The following CLEC16A variants were observed in gnomAD, a reference collection of about 807,000 sequenced individuals.
CLEC16A encodes C-type lectin domain containing 16A, also known as protein CLEC16A.
A neutral mutation model predicts 109.5 loss-of-function variants in CLEC16A; 51 were observed. That is an observed-to-expected ratio of 0.47 (90% CI 0.37 to 0.59). CLEC16A has a LOEUF of 0.59. Among genes scored for constraint, CLEC16A ranks in the 20% least tolerant of loss-of-function variants. The probability of loss-of-function intolerance (pLI) is 0.00; values close to 1 mark genes in which losing one functional copy is unlikely to be tolerated. For synonymous variants in CLEC16A, 673 were observed against 564.2 expected (o/e 1.19, Z -2.73); for missense variants, 1,339 against 1,394.0 (o/e 0.96, Z 0.63).
chr16:11,174,316 A>G lies in CLEC16A; in HGVS notation c.2807-4019A>G, dbSNP rs1055682187. 6.9e-6 allele frequency: 3 copies of G among 432,766 alleles called. No individual in the cohort carries two copies. The Admixed American group carries it at 7.2e-5, about 10-fold the overall frequency. The allele number at this position is 432,766 out of a possible 1,614,324, so 26.8% of individuals were successfully genotyped here. A position where few individuals can be genotyped will look rare whatever the true frequency, so the allele number is the denominator to read the frequency against. On this transcript the variant is annotated intron_variant, in intron 23 of 23. Coordinates refer to ENST00000409790, the MANE Select transcript of CLEC16A (RefSeq NM_015226.3). The surrounding 1 kb of genome is among the most constrained non-coding windows in gnomAD (Gnocchi z 4.7). ...GTGAGCCGCTCGGGCCGCGACGTCC[A>G]CTCGCCACGCTGCATTTCCACAGTC...
intron 19 of CLEC16A, among the ~76,000 whole-genome samples, chr16:11,075,798 T>C (rs554366069): frequency 1.3e-5 from 2 of 152,162 alleles, no homozygotes; most frequent in East Asian, 3.9e-4. Flanking sequence ...GTCAGGAGGA[T>C]GAGACGCTGC....
chr16:11,042,234 T>G lies in CLEC16A; in HGVS notation c.1661-20T>G. On this transcript the variant is annotated intron_variant, in intron 14 of 23. Coordinates refer to ENST00000409790, the MANE Select transcript of CLEC16A (RefSeq NM_015226.3). ...CGCCCCACCCTGGGTGTGCAAGGCTTACCCTGGTGTGCTCTGCAGATGGGA... is the reference window on the plus strand; with the variant it reads ...CGCCCCACCCTGGGTGTGCAAGGCTGACCCTGGTGTGCTCTGCAGATGGGA... 2 of 1,553,898 alleles carry G rather than the reference T, an allele frequency of 1.3e-6. No individual in the cohort carries two copies. Among genetic ancestry groups the G allele is most frequent in the Non-Finnish European group, 1.7e-6 (2 of 1,145,964 alleles).
chr16:11,148,750 G>A (rs1036720190), intron 22 of CLEC16A, among the ~76,000 whole-genome samples: 1 of 152,174 alleles, frequency 6.6e-6, no homozygotes, highest in Non-Finnish European at 1.5e-5. Flanking sequence ...CATCTTGTAG[G>A]ACCAGGAGCA....
intron 10 of CLEC16A, among the ~76,000 whole-genome samples, chr16:10,990,677 A>G (rs2043953599): frequency 1.3e-5 from 2 of 152,244 alleles, no homozygotes; most frequent in African/African-American, 2.4e-5. Context: ...TGGCTTTTCT[A>G]TATCTGTCCT....
intron 22 of CLEC16A, among the ~76,000 whole-genome samples, chr16:11,151,698 C>T (rs1041417838): frequency 1.3e-5 from 2 of 152,338 alleles, no homozygotes; most frequent in East Asian, 3.9e-4. Context: ...GGCAGCTTGC[C>T]AAGGGAGCCC....
intron 12 of CLEC16A, among the ~76,000 whole-genome samples, chr16:11,020,729 A>G (rs181218360): frequency 2.5e-4 from 38 of 152,338 alleles, no homozygotes; most frequent in Non-Finnish European, 4.3e-4. Flanking sequence ...ACACAAACAC[A>G]TACCCCATCT....
intron 13 of CLEC16A, among the ~76,000 whole-genome samples, chr16:11,034,336 A>T (rs903462094): frequency 1.3e-5 from 2 of 152,178 alleles, no homozygotes; most frequent in African/African-American, 4.8e-5. Context: ...GACGTTTTTA[A>T]AAAGTTTGAA....
chr16:11,091,416 G>A (rs561028681), intron 19 of CLEC16A, among the ~76,000 whole-genome samples: 1 of 152,362 alleles, frequency 6.6e-6, no homozygotes, highest in East Asian at 1.9e-4. Context: ...GCAAGAGCAT[G>A]CTCTGAAGGC....
intron 22 of CLEC16A, among the ~76,000 whole-genome samples, chr16:11,134,400 C>G (rs1459409941): frequency 1.3e-5 from 2 of 152,156 alleles, no homozygotes; most frequent in African/African-American, 4.8e-5. Flanking sequence ...ACCCTGGAAG[C>G]TGGTATCACT....
chr16:11,100,958 G>A (rs960182196), intron 19 of CLEC16A, among the ~76,000 whole-genome samples: 6 of 152,132 alleles, frequency 3.9e-5, no homozygotes, highest in Admixed American at 3.9e-4. Context: ...TGTTGAGACT[G>A]TGGCTGCGTG....
rs190096846 is a variant in CLEC16A, at chr16:11,057,665, A to G, written c.1996-3237A>G. ...TCAGTCCTTCCTGATATTCTATGGA[A>G]GAATCTGAAAGAATAATAATTTATT... On this transcript the variant is annotated intron_variant, in intron 18 of 23. Coordinates refer to ENST00000409790, the MANE Select transcript of CLEC16A (RefSeq NM_015226.3). Among the ~76,000 whole-genome samples the G allele has an allele frequency of 1.1e-3, 171 of 152,376 alleles. 1 individual carries two copies. The highest frequency in any genetic ancestry group is 1.9e-3 in the Non-Finnish European group (130 of 68,032).
intron 23 of CLEC16A, among the ~76,000 whole-genome samples, chr16:11,175,234 G>T (rs2068699149): frequency 6.6e-6 from 1 of 152,222 alleles, no homozygotes; most frequent in African/African-American, 2.4e-5. Flanking sequence ...AGGCACATGG[G>T]GGACCTGCTG....
intron 1 of CLEC16A, among the ~76,000 whole-genome samples, chr16:10,955,877 G>A (rs2041960632): frequency 6.6e-6 from 1 of 152,346 alleles, no homozygotes; most frequent in Middle Eastern, 3.4e-3. Context: ...TCAGACTTCA[G>A]TGGGATTGGG....
At chr16:10,991,105 A>G (rs1418887506) in intron 10 of CLEC16A, among the ~76,000 whole-genome samples, 9 of 152,124 alleles carry the variant, frequency 5.9e-5, no homozygotes, top group Non-Finnish European at 1.3e-4. Context: ...AGACAGAGGA[A>G]CAATAAAGCA....
In CLEC16A at chr16:10,954,531, G is replaced by C. The variant is rs1424728597; in HGVS notation, c.81-3251G>C. On this transcript the variant is annotated intron_variant, in intron 1 of 23. Coordinates refer to ENST00000409790, the MANE Select transcript of CLEC16A (RefSeq NM_015226.3). The surrounding 1 kb of genome is among the most constrained non-coding windows in gnomAD (Gnocchi z 4.2). ...GTTATCTCCCAACACCACCAAAATA[G>C]GTAGATACTAAAGTATTCAGGTACC... Among the ~76,000 whole-genome samples the C allele has an allele frequency of 6.6e-6, 1 of 152,128 alleles. No homozygotes were observed. The highest frequency in any genetic ancestry group is 1.9e-4 in the East Asian group (1 of 5,200).
intron 19 of CLEC16A, among the ~76,000 whole-genome samples, chr16:11,075,572 G>A (rs531390582): frequency 2.0e-5 from 3 of 152,088 alleles, no homozygotes; most frequent in African/African-American, 7.2e-5. Context: ...GAGTAGCTGG[G>A]ACCACAGGCA....
At chr16:10,947,947 G>A (rs1368815078) in intron 1 of CLEC16A, among the ~76,000 whole-genome samples, 2 of 151,892 alleles carry the variant, frequency 1.3e-5, no homozygotes, top group East Asian at 1.9e-4. Flanking sequence ...AGGCTGGAGT[G>A]CAGTGGCACG....
chr16:11,156,562 C>G (rs1163411569), intron 22 of CLEC16A: 1 of 1,302,110 alleles, frequency 7.7e-7, no homozygotes, highest in Non-Finnish European at 1.0e-6. Context: ...CTTCCTCCTG[C>G]TGCCGTTTCA....
intron 10 of CLEC16A, among the ~76,000 whole-genome samples, chr16:10,987,777 C>T (rs1225801101): frequency 6.6e-6 from 1 of 152,190 alleles, no homozygotes; most frequent in East Asian, 1.9e-4. Flanking sequence ...CTGCCCAACT[C>T]GGATGTGGTT....
Sources: allele counts gnomAD v4.1 joint callset (sites outside exome capture counted in the v4.1 genomes callset), GRCh38; gene constraint gnomAD v4.1.1; non-coding constraint Gnocchi (gnomAD v3.1); transcripts MANE v1.5; gene names NCBI Gene and HGNC (gene_info 2026-07-23, HGNC 2026-07-21).